The following ACP7 variants were observed in gnomAD, a reference collection of about 807,000 sequenced individuals.
ACP7 encodes the protein acid phosphatase type 7.
In ACP7, 58 loss-of-function variants were observed where a neutral mutation model predicts 60.6. That is an observed-to-expected ratio of 0.96 (90% CI 0.77 to 1.19). ACP7 has a LOEUF of 1.19. Ranked by LOEUF, ACP7 falls within the 50% of genes most tolerant of loss-of-function variation. The probability of loss-of-function intolerance (pLI) is 0.00; values close to 1 mark genes in which losing one functional copy is unlikely to be tolerated. For synonymous variants in ACP7, 237 were observed against 232.6 expected, an observed-to-expected ratio of 1.02 and a Z score of -0.17; for missense variants, 574 against 596.2, an observed-to-expected ratio of 0.96 and a Z score of 0.39.
At chr19:39,086,629 CAA>C (rs1157010669) in intron 2 of ACP7, among the ~76,000 whole-genome samples, 2 of 45,418 alleles carry the variant, frequency 4.4e-5, no homozygotes, top group African/African-American at 9.4e-5. Context: ...GGCCCTGTCT[CAA>C]AAAAAAAAAA....
In ACP7 at chr19:39,100,231, CTT is replaced by C; in HGVS notation, c.512_513del (p.Phe171CysfsTer14). 2.5e-6 allele frequency: 4 copies of C among 1,613,940 alleles called. No individual in the cohort carries two copies. Among genetic ancestry groups the C allele is most frequent in the Non-Finnish European group, 3.4e-6 (4 of 1,179,920 alleles). On this transcript the variant is annotated frameshift_variant, in exon 5 of 13. Transcript: ENST00000331256. LOFTEE classifies it high-confidence loss of function. ...TCCTTCCGCCCCCTCCCCCAGGAGA[CTT>C]TGCCTACAACCTGGATCAGGACAAC... Reference protein sequence around the residue: ...MYDAVLHVGDFAYNLDQDNAR... With the variant: ...MYDAVLHVGDXAYNLDQDNAR...
chr19:39,098,192 T>C (rs2073289088), intron 2 of ACP7, among the ~76,000 whole-genome samples: 1 of 140,740 alleles, frequency 7.1e-6, no homozygotes, highest in South Asian at 2.2e-4. Context: ...CGGCAGAGAT[T>C]GCAGTAAGCT....
At chr19:39,088,882 A>G (rs1387452235) in intron 2 of ACP7, among the ~76,000 whole-genome samples, 1 of 151,480 alleles carries the variant, frequency 6.6e-6, no homozygotes, top group Non-Finnish European at 1.5e-5. Flanking sequence ...AGTAGCTGGG[A>G]CTACCAGCGC....
In ACP7 at chr19:39,104,160, T is replaced by G. The variant is rs545129154; in HGVS notation, c.1113+2623T>G. On this transcript the variant is annotated intron_variant, in intron 11 of 12. Transcript: ENST00000331256. ...TCACTTGTAATAAAAATTCAAACAG[T>G]TACAGAGGGCAGGAGGTGAACAGAA... 3.8e-4 allele frequency among the ~76,000 whole-genome samples: 57 copies of G among 151,848 alleles called. No homozygotes were observed. The South Asian group carries it at 0.012, about 31-fold the overall frequency.
At chr19:39,099,224 C>T (rs2073311416) in intron 4 of ACP7, 82 bp downstream of exon 4, 1 of 1,344,644 alleles carries the variant, frequency 7.4e-7, no homozygotes, top group Non-Finnish European at 9.5e-7. Context: ...CGGGGGCGCG[C>T]GGGTCGGGGG....
In ACP7 at chr19:39,098,980, C is replaced by T; in HGVS notation, c.343C>T (p.Gln115Ter). 1 of 1,613,250 alleles carries T rather than the reference C, an allele frequency of 6.2e-7. No individual in the cohort carries two copies. Among genetic ancestry groups the T allele is most frequent in the Non-Finnish European group, 8.5e-7 (1 of 1,179,914 alleles). The change falls in exon 4 of 13, where the codon CAG becomes TAG. Residue 115 changes from glutamine (Q) to a stop codon, truncating the protein, a stop_gained. Transcript: ENST00000331256. LOFTEE classifies it high-confidence loss of function. Reference sequence around the variant, plus strand: ...TTCAGTTTATCGCTGTGGCAGTGCGCAGGGCTGGAGCCGTCGGTTCCGCTT... The same window carrying T: ...TTCAGTTTATCGCTGTGGCAGTGCGTAGGGCTGGAGCCGTCGGTTCCGCTT... ...VQYVYRCGSA[Q>*]GWSRRFRFRA... is the part of the protein sequence containing the mutation.
chr19:39,099,992 C>CA (rs35619428), intron 4 of ACP7, among the ~76,000 whole-genome samples: 15,015 of 72,356 alleles, frequency 0.21, 1,222 homozygotes, highest in Non-Finnish European at 0.24. Context: ...GACTCTGTCT[C>CA]AAAAAAAAAA....
rs1409683126 is a variant in ACP7, at chr19:39,106,964, G to A, written c.1131G>A (p.Leu377=). 2 of 1,613,852 alleles carry A rather than the reference G, an allele frequency of 1.2e-6. No homozygotes were observed. The highest frequency in any genetic ancestry group is 1.7e-6 in the Non-Finnish European group (2 of 1,179,978). The change falls in exon 12 of 13, where the codon CTG becomes CTA. Residue 377 remains leucine, a synonymous_variant. Transcript: ENST00000331256. ...ITGSAGCEER[L]TPFAVFPRPW... is the part of the protein sequence containing the mutation. Reference sequence around the variant, plus strand: ...CGCCCCAGGGCTGTGAGGAGCGGCTGACGCCCTTTGCTGTCTTCCCGAGGC... The same window carrying A: ...CGCCCCAGGGCTGTGAGGAGCGGCTAACGCCCTTTGCTGTCTTCCCGAGGC...
chr19:39,102,120 T>TCACACACACACACACACA (rs561424510), intron 11 of ACP7, among the ~76,000 whole-genome samples: 5 of 145,758 alleles, frequency 3.4e-5, no homozygotes, highest in African/African-American at 1.3e-4. Flanking sequence ...ACCCTTTCTC[T>TCACACACACACACACACA]CACACACACA....
At chr19:39,095,330 T>G (rs1292307556) in intron 2 of ACP7, among the ~76,000 whole-genome samples, 1 of 152,264 alleles carries the variant, frequency 6.6e-6, no homozygotes, top group East Asian at 1.9e-4. Context: ...ATACAGCCAT[T>G]CCAAATGGGA....
rs1568481079 is a variant in ACP7 at position 39,100,765 on chromosome 19, TCTC to T, written c.722_724del (p.Ser241del). 3 of 1,613,828 alleles carry T rather than the reference TCTC, an allele frequency of 1.9e-6. No individual in the cohort carries two copies. The highest frequency in any genetic ancestry group is 2.2e-5 in the South Asian group (2 of 91,078). ...TGGGATCTGGGTCCCGCCCACATCATCTCCTTCTCCACCGAGGTCTATTTCTTT... is the reference window on the plus strand; with the variant it reads ...TGGGATCTGGGTCCCGCCCACATCATCTTCTCCACCGAGGTCTATTTCTTT... On this transcript the variant is annotated inframe_deletion, in exon 7 of 13. Transcript: ENST00000331256.
At chr19:39,105,754 T>C (rs1438593462) in intron 11 of ACP7, among the ~76,000 whole-genome samples, 2 of 152,136 alleles carry the variant, frequency 1.3e-5, no homozygotes, top group Non-Finnish European at 2.9e-5. Context: ...TCAAGCAATC[T>C]GCCCGCCTCG....
At chr19:39,088,893 G>A (rs966016676) in intron 2 of ACP7, among the ~76,000 whole-genome samples, 5 of 151,362 alleles carry the variant, frequency 3.3e-5, no homozygotes, top group Admixed American at 1.3e-4. Flanking sequence ...CTACCAGCGC[G>A]CATCACCATG....
At chr19:39,093,042 T>C (rs1600255910) in intron 2 of ACP7, among the ~76,000 whole-genome samples, 1 of 152,128 alleles carries the variant, frequency 6.6e-6, no homozygotes, top group South Asian at 2.1e-4. Flanking sequence ...CCTCCCAAAG[T>C]GCTGGGATTA....
intron 11 of ACP7, among the ~76,000 whole-genome samples, chr19:39,105,158 G>T (rs2073397818): frequency 6.6e-6 from 1 of 151,606 alleles, no homozygotes; most frequent in South Asian, 2.1e-4. Context: ...TGGGATTACA[G>T]GCTTACGTCA....
intron 2 of ACP7, among the ~76,000 whole-genome samples, chr19:39,095,950 T>C (rs2073260680): frequency 6.6e-6 from 1 of 152,174 alleles, no homozygotes; most frequent in Non-Finnish European, 1.5e-5. Flanking sequence ...GCAGCTAGAA[T>C]GCAAGACACC....
At chr19:39,109,758 T>C (rs1406943345) in intron 12 of ACP7, among the ~76,000 whole-genome samples, 1 of 151,122 alleles carries the variant, frequency 6.6e-6, no homozygotes, top group East Asian at 1.9e-4. Flanking sequence ...GCAAGGTCTG[T>C]CTGACTCCAG....
chr19:39,111,476 G>A lies in ACP7; in HGVS notation c.*1358G>A, dbSNP rs976837857. On this transcript the variant is annotated 3_prime_UTR_variant, in exon 13 of 13. Coordinates refer to ENST00000331256, the MANE Select transcript of ACP7 (RefSeq NM_001004318.3). ...TATAAATAAAAAAGTTTTAAAAAGAGAAAAATAAACAAAGAAACGTGCCTG... is the reference window on the plus strand; with the variant it reads ...TATAAATAAAAAAGTTTTAAAAAGAAAAAAATAAACAAAGAAACGTGCCTG... 2 of 152,260 alleles carry A rather than the reference G, an allele frequency of 1.3e-5. No homozygotes were observed. Among genetic ancestry groups the A allele is most frequent in the South Asian group, 2.1e-4 (1 of 4,830 alleles). The allele number at this position is 152,260 out of a possible 1,614,324, so 9.4% of individuals were successfully genotyped here. A position where few individuals can be genotyped will look rare whatever the true frequency, so the allele number is the denominator to read the frequency against.
chr19:39,087,771 T>C (rs937998793), intron 2 of ACP7, among the ~76,000 whole-genome samples: 9 of 151,944 alleles, frequency 5.9e-5, no homozygotes, highest in Non-Finnish European at 1.2e-4. Context: ...GTATCTGGGA[T>C]TACAGGCATG....
Sources: allele counts gnomAD v4.1 joint callset (sites outside exome capture counted in the v4.1 genomes callset), GRCh38; gene constraint gnomAD v4.1.1; transcripts MANE v1.5; gene names NCBI Gene and HGNC (gene_info 2026-07-23, HGNC 2026-07-21).